The following CCDC7 variants were observed in gnomAD, a reference collection of about 807,000 sequenced individuals.
CCDC7 encodes the protein coiled-coil domain-containing protein 7.
In CCDC7, 183 loss-of-function variants were observed where a neutral mutation model predicts 196.9. The observed-to-expected ratio is 0.93, with a 90% confidence interval of 0.82 to 1.05. CCDC7 has a LOEUF of 1.05. Ranked by LOEUF, CCDC7 falls within the 50% of genes least tolerant of loss-of-function variation. CCDC7 has a pLI of 0.00. For missense variants in CCDC7, 1,540 were observed against 1,482.2 expected, an observed-to-expected ratio of 1.04 and a Z score of -0.64; for synonymous variants, 525 against 484.6, an observed-to-expected ratio of 1.08 and a Z score of -1.10.
exon 27 of CCDC7, chr10:32,728,953 T>C (rs1284083875): frequency 6.2e-7 from 1 of 1,608,674 alleles, no homozygotes; most frequent in East Asian, 2.2e-5. Flanking sequence ...AAACTCCAAA[T>C]GCAAGAAAAG....
At chr10:32,448,640 C>G (rs2032107195), upstream of CCDC7, among the ~76,000 whole-genome samples, 1 of 151,682 alleles carries the variant, frequency 6.6e-6, no homozygotes, top group African/African-American at 2.4e-5. Context: ...TAACAGGATA[C>G]CATCAACTTT....
At chr10:32,613,792 C>T (rs539271268) in intron 18 of CCDC7, among the ~76,000 whole-genome samples, 1 of 152,200 alleles carries the variant, frequency 6.6e-6, no homozygotes, top group Non-Finnish European at 1.5e-5. Flanking sequence ...TTTGCATTTG[C>T]TGAGGAGTGT....
chr10:32,649,059 C>G (rs559583462), intron 20 of CCDC7, among the ~76,000 whole-genome samples: 21 of 152,270 alleles, frequency 1.4e-4, no homozygotes, highest in Non-Finnish European at 2.4e-4. Flanking sequence ...AATGCAGGAA[C>G]AGAAAACTAA....
At chr10:32,526,666 T>C (rs2048725767) in intron 11 of CCDC7, among the ~76,000 whole-genome samples, 1 of 152,110 alleles carries the variant, frequency 6.6e-6, no homozygotes, top group Admixed American at 6.5e-5. Context: ...CAAGGCAGCA[T>C]GCTCCCTTTT....
At position 32,829,169 on chromosome 10, in the gene CCDC7, T is replaced by G. The variant is rs187034947; in HGVS notation, c.3268+4565T>G. On this transcript the variant is annotated intron_variant, in intron 32 of 41. Transcript: ENST00000639629. ...CATCTCTTAGTATTACCATGCCCTGTGATTAAGGTCAATGGGAAACTACAA... is the reference window on the plus strand; with the variant it reads ...CATCTCTTAGTATTACCATGCCCTGGGATTAAGGTCAATGGGAAACTACAA... Among the ~76,000 whole-genome samples, 125 of 152,242 alleles carry G rather than the reference T, an allele frequency of 8.2e-4. 1 individual carries two copies. The highest frequency in any genetic ancestry group is 2.7e-3 in the African/African-American group (113 of 41,540).
At chr10:32,784,730 C>T (rs759812569) in intron 29 of CCDC7, among the ~76,000 whole-genome samples, 27 of 152,022 alleles carry the variant, frequency 1.8e-4, no homozygotes, top group South Asian at 4.1e-4. Context: ...TGCTGGGCGC[C>T]GTGACTCGTG....
At chr10:32,581,875 A>G (rs1040403717) in intron 16 of CCDC7, among the ~76,000 whole-genome samples, 8 of 151,896 alleles carry the variant, frequency 5.3e-5, no homozygotes, top group African/African-American at 1.9e-4. Context: ...TGGTTTGTGA[A>G]TAACTGTAAC....
intron 20 of CCDC7, among the ~76,000 whole-genome samples, chr10:32,639,859 C>G (rs1465000936): frequency 6.6e-6 from 1 of 152,152 alleles, no homozygotes; most frequent in East Asian, 1.9e-4. Context: ...CCTCGTGATC[C>G]GCCTGCCTCG....
chr10:32,702,796 C>T (rs2078986976), intron 24 of CCDC7, among the ~76,000 whole-genome samples: 1 of 152,172 alleles, frequency 6.6e-6, no homozygotes, highest in Non-Finnish European at 1.5e-5. Flanking sequence ...TTTTGATCTT[C>T]ATTGGTTTAA....
At chr10:32,814,284 A>AC in intron 30 of CCDC7, 86 bp from the exon 32 acceptor site, 1 of 933,872 alleles carries the variant, frequency 1.1e-6, no homozygotes, top group Non-Finnish European at 1.7e-6. Context: ...AGTAACACAC[A>AC]CACATATATG....
intron 16 of CCDC7, among the ~76,000 whole-genome samples, chr10:32,576,121 A>G (rs1457331705): frequency 6.6e-6 from 1 of 151,978 alleles, no homozygotes; most frequent in Non-Finnish European, 1.5e-5. Context: ...GTTTTTCTCC[A>G]TGGAGATGAG....
intron 21 of CCDC7, among the ~76,000 whole-genome samples, chr10:32,666,408 G>A (rs2072728357): frequency 6.6e-6 from 1 of 151,876 alleles, no homozygotes; most frequent in Non-Finnish European, 1.5e-5. Context: ...TTACGTTCTA[G>A]GGTACATGTA....
intron 41 of CCDC7, among the ~76,000 whole-genome samples, chr10:32,870,621 T>C (rs2094393718): frequency 6.6e-6 from 1 of 152,160 alleles, no homozygotes; most frequent in Admixed American, 6.6e-5. Flanking sequence ...TGGCCAGAAC[T>C]TCCAACACTA....
intron 20 of CCDC7, among the ~76,000 whole-genome samples, chr10:32,641,103 C>T (rs934615311): frequency 6.6e-6 from 1 of 152,092 alleles, no homozygotes; most frequent in South Asian, 2.1e-4. Context: ...TTCATTTCAA[C>T]TTTGGTGAAT....
intron 20 of CCDC7, 41 bp downstream of exon 21, chr10:32,635,199 T>G: frequency 2.5e-6 from 1 of 397,114 alleles, no homozygotes. Flanking sequence ...TATTTTCAAT[T>G]ATATTAAACA....
At chr10:32,516,138 A>C (rs2135473352) in intron 9 of CCDC7, among the ~76,000 whole-genome samples, 1 of 152,348 alleles carries the variant, frequency 6.6e-6, no homozygotes, top group Non-Finnish European at 1.5e-5. Flanking sequence ...ACTTAGAAGA[A>C]TATATAAAGA....
Position 32,576,395 on chromosome 10 carries a change from A to G in CCDC7, c.1454+4502A>G, listed in dbSNP as rs147627752. ...CTTCTAGGTGCTTTGGAGTTTAACC[A>G]TGGTAAGAGGGGCCCTTGCTTGGTA... On this transcript the variant is annotated intron_variant, in intron 16 of 41. Coordinates refer to ENST00000639629, the Ensembl canonical transcript of CCDC7. Among the ~76,000 whole-genome samples the G allele has an allele frequency of 2.7e-3, 415 of 151,958 alleles. 1 individual carries two copies. The highest frequency in any genetic ancestry group is 4.8e-3 in the Non-Finnish European group (326 of 67,970).
intron 20 of CCDC7, among the ~76,000 whole-genome samples, chr10:32,643,169 C>G (rs576280751): frequency 1.3e-5 from 2 of 152,144 alleles, no homozygotes; most frequent in South Asian, 4.2e-4. Context: ...GTTTTGTCTT[C>G]TTTTTAAATG....
At chr10:32,788,994 A>T (rs1175586322) in intron 29 of CCDC7, among the ~76,000 whole-genome samples, 1 of 152,094 alleles carries the variant, frequency 6.6e-6, no homozygotes, top group African/African-American at 2.4e-5. Context: ...CTTCTCATCC[A>T]GCCACTAGGC....
Sources: allele counts gnomAD v4.1 joint callset (sites outside exome capture counted in the v4.1 genomes callset), GRCh38; gene constraint gnomAD v4.1.1; transcripts MANE v1.5; gene names NCBI Gene and HGNC (gene_info 2026-07-23, HGNC 2026-07-21).